Variants in SLC5A9 observed in about 807,000 individuals in gnomAD.
The protein encoded by SLC5A9 is solute carrier family 5 member 9, also known as sodium/glucose cotransporter 4.
SLC5A9 carries 59 observed loss-of-function variants against 70.9 expected under a neutral mutation model. That is an observed-to-expected ratio of 0.83 (90% CI 0.68 to 1.03). SLC5A9 has a LOEUF of 1.03. SLC5A9 is among the 50% of genes least tolerant of loss of function. SLC5A9 has a pLI of 0.00. For missense variants in SLC5A9, 832 were observed against 881.1 expected, an observed-to-expected ratio of 0.94 and a Z score of 0.71; for synonymous variants, 340 against 346.5, an observed-to-expected ratio of 0.98 and a Z score of 0.21.
intron 12 of SLC5A9, among the ~76,000 whole-genome samples, chr1:48,240,673 TC>T (rs1480855410): frequency 6.6e-6 from 1 of 152,202 alleles, no homozygotes; most frequent in Non-Finnish European, 1.5e-5. Flanking sequence ...ATTGCCTGTT[TC>T]CTCACTCTTC....
Position 48,232,471 on chromosome 1 carries a change from G to T in SLC5A9, c.1002G>T (p.Met334Ile), listed in dbSNP as rs756208342. 1 of 1,614,204 alleles carries T rather than the reference G, an allele frequency of 6.2e-7. No individual in the cohort carries two copies. Among genetic ancestry groups the T allele is most frequent in the Non-Finnish European group, 8.5e-7 (1 of 1,180,030 alleles). Residue 334 changes from methionine (M) to isoleucine (I), a missense_variant, in exon 8 of 14, where the codon ATG becomes ATT. Physicochemically the swap from Met to Ile is conservative, Grantham distance 10. Transcript: ENST00000438567. ...TCCTCCCCATGTTCTTCATCGTCATGCCTGGCATGATCAGCCGGGCCCTGT... is the reference window on the plus strand; with the variant it reads ...TCCTCCCCATGTTCTTCATCGTCATTCCTGGCATGATCAGCCGGGCCCTGT... ...LKILPMFFIV[M>I]PGMISRALFP... is the part of the protein sequence containing the mutation.
intron 2 of SLC5A9, chr1:48,227,894 A>G (rs1644187648): frequency 6.6e-6 from 1 of 152,122 alleles, no homozygotes; most frequent in Non-Finnish European, 1.5e-5. Context: ...TTGATAGAGG[A>G]AGTGATTTTA....
intron 9 of SLC5A9, 32 bp downstream of exon 9, chr1:48,233,794 T>G (rs1202038541): frequency 1.3e-6 from 2 of 1,490,580 alleles, no homozygotes; most frequent in Non-Finnish European, 1.9e-6. Flanking sequence ...CACCCTGCAC[T>G]CTCACCTCCA....
At position 48,247,419 on chromosome 1, in the gene SLC5A9, A is replaced by G. The variant is rs1274635576; in HGVS notation, c.1922A>G (p.Glu641Gly). The G allele has an allele frequency of 6.2e-7, 1 of 1,614,200 alleles. No homozygotes were observed. The highest frequency in any genetic ancestry group is 1.7e-5 in the Admixed American group (1 of 60,026). The change falls in exon 14 of 14, where the codon GAG (glutamate) becomes GGG (glycine). Residue 641 changes from glutamate to glycine, a missense_variant. Transcript: ENST00000438567. ...GTPEQALSPA[E>G]KAALEQKLTS... The stretch of plus-strand genomic sequence containing the variant: ...CCGGAGCAGGCCCTGAGCCCAGCAG[A>G]GAAGGCTGCGCTAGAACAGAAGCTG...
chr1:48,230,913 G>T (rs1322596190), intron 5 of SLC5A9, among the ~76,000 whole-genome samples: 2 of 152,194 alleles, frequency 1.3e-5, no homozygotes, highest in Admixed American at 6.5e-5. Flanking sequence ...CAGACACAGG[G>T]ACAGAGACCA....
rs143080299 is a variant in SLC5A9 at position 48,247,683 on chromosome 1, A to G, written c.*140A>G. ...CTGCAAGCTCCCCTGAAGAGAATCC[A>G]ACTCAACCTGCACACTTGACAAGTG... On this transcript the variant is annotated 3_prime_UTR_variant, in exon 14 of 14. Transcript: ENST00000438567. 2.0e-4 allele frequency: 154 copies of G among 777,442 alleles called. No homozygotes were observed. The African/African-American group carries it at 2.4e-3, about 12-fold the overall frequency. The allele number at this position is 777,442 out of a possible 1,614,324, so 48.2% of individuals were successfully genotyped here. A position where few individuals can be genotyped will look rare whatever the true frequency, so the allele number is the denominator to read the frequency against.
intron 13 of SLC5A9, among the ~76,000 whole-genome samples, chr1:48,244,872 GTA>G (rs1190631619): frequency 0.2 from 1,850 of 9,306 alleles, 392 homozygotes; most frequent in African/African-American, 0.37. Flanking sequence ...GTATGTATGT[GTA>G]TGTGTATATA....
Position 48,247,671 on chromosome 1 carries a change from T to A in SLC5A9, c.*128T>A. On this transcript the variant is annotated 3_prime_UTR_variant, in exon 14 of 14. Coordinates refer to ENST00000438567, the MANE Select transcript of SLC5A9 (RefSeq NM_001011547.3). Reference sequence around the variant, plus strand: ...CAGAAGTCAAGACTGCAAGCTCCCCTGAAGAGAATCCAACTCAACCTGCAC... The same window carrying A: ...CAGAAGTCAAGACTGCAAGCTCCCCAGAAGAGAATCCAACTCAACCTGCAC... The A allele has an allele frequency of 1.1e-6, 1 of 877,400 alleles. No individual in the cohort carries two copies. Among genetic ancestry groups the A allele is most frequent in the Non-Finnish European group, 1.8e-6 (1 of 551,626 alleles). The allele number at this position is 877,400 out of a possible 1,614,324, so 54.4% of individuals were successfully genotyped here.
At chr1:48,229,115 A>G (rs773173325) in intron 3 of SLC5A9, 161 bp downstream of exon 3, 56 of 1,613,984 alleles carry the variant, frequency 3.5e-5, no homozygotes, top group Non-Finnish European at 4.6e-5. Flanking sequence ...GAGGAAATCA[A>G]GGTCTGGAGG....
chr1:48,231,419 A>G (rs1644245348), intron 5 of SLC5A9, 126 bp from the exon 6 acceptor site: 3 of 1,164,060 alleles, frequency 2.6e-6, no homozygotes, highest in Non-Finnish European at 3.6e-6. Flanking sequence ...GGCAGTGGCC[A>G]GAGTTCCCCT....
At position 48,225,573 on chromosome 1, in the gene SLC5A9, G is replaced by C. The variant is rs1440020756; in HGVS notation, c.234+778G>C. ...ATCAGCCCCAGTGGTAGCTGAAGCA[G>C]TATACACACCCAGGCATGCAAAACT... On this transcript the variant is annotated intron_variant, in intron 2 of 13. Transcript: ENST00000438567. Among the ~76,000 whole-genome samples, 4 of 152,018 alleles carry C rather than the reference G, an allele frequency of 2.6e-5. No homozygotes were observed. The East Asian group carries it at 5.8e-4, about 22-fold the overall frequency.
rs1463851124 is a variant in SLC5A9, at chr1:48,235,891, C to T, written c.1292+12C>T. The T allele has an allele frequency of 2.5e-6, 4 of 1,614,036 alleles. No individual in the cohort carries two copies. Among genetic ancestry groups the T allele is most frequent in the Non-Finnish European group, 3.4e-6 (4 of 1,179,970 alleles). Reference sequence around the variant, plus strand: ...ATGGTGGTGGGCAGGTGCGCCGGCCCCTCCTTCCCTCCTTCCGAAGTGCCC... The same window carrying T: ...ATGGTGGTGGGCAGGTGCGCCGGCCTCTCCTTCCCTCCTTCCGAAGTGCCC... On this transcript the variant is annotated intron_variant, in intron 10 of 13. Transcript: ENST00000438567.
In SLC5A9 at chr1:48,232,632, A is replaced by G. The variant is rs1421114830; in HGVS notation, c.1033+130A>G. 5 of 1,208,206 alleles carry G rather than the reference A, an allele frequency of 4.1e-6. No individual in the cohort carries two copies. The Admixed American group carries it at 9.1e-5, about 22-fold the overall frequency. 74.8% of individuals were successfully genotyped at this position (1,208,206 alleles called of 1,614,324 possible). On this transcript the variant is annotated intron_variant, in intron 8 of 13. Coordinates refer to ENST00000438567, the MANE Select transcript of SLC5A9 (RefSeq NM_001011547.3). ...GGCAAGGTTTGTCTATTAAGAATAC[A>G]TAGCCGGTCATGGTGGCATGCACCC...
chr1:48,236,089 C>T (rs1644323271), intron 10 of SLC5A9, among the ~76,000 whole-genome samples: 1 of 152,136 alleles, frequency 6.6e-6, no homozygotes, highest in African/African-American at 2.4e-5. Context: ...ACACCTCTTC[C>T]CTGGTAACTT....
chr1:48,231,184 AG>A (rs1482351309), intron 5 of SLC5A9, among the ~76,000 whole-genome samples: 2 of 152,072 alleles, frequency 1.3e-5, no homozygotes, highest in African/African-American at 4.8e-5. Context: ...GTCCAGAGAC[AG>A]GGGGGCATTT....
Position 48,232,374 on chromosome 1 carries a change from TG to T in SLC5A9, c.906del (p.Gln303SerfsTer22), listed in dbSNP as rs1644261686. 1 of 1,614,140 alleles carries T rather than the reference TG, an allele frequency of 6.2e-7. No individual in the cohort carries two copies. Among genetic ancestry groups the T allele is most frequent in the African/African-American group, 1.3e-5 (1 of 75,056 alleles). On this transcript the variant is annotated frameshift_variant, in exon 8 of 14. Coordinates refer to ENST00000438567, the MANE Select transcript of SLC5A9 (RefSeq NM_001011547.3). LOFTEE classifies it high-confidence loss of function. ...TWCWCTDQVI[V>X]QRSLSAKSLS... ...CATTTGCTGCCCTTTCAGGTCATTGTGCAGCGGTCTCTCTCGGCCAAGAGTC... is the reference window on the plus strand; with the variant it reads ...CATTTGCTGCCCTTTCAGGTCATTGTCAGCGGTCTCTCTCGGCCAAGAGTC...
In SLC5A9 at chr1:48,248,051, TC is replaced by T. The variant is rs1644478793; in HGVS notation, c.*510del. 1 of 160,588 alleles carries T rather than the reference TC, an allele frequency of 6.2e-6. No homozygotes were observed. The highest frequency in any genetic ancestry group is 1.8e-4 in the East Asian group (1 of 5,696). 9.9% of individuals were successfully genotyped at this position (160,588 alleles called of 1,614,324 possible). On this transcript the variant is annotated 3_prime_UTR_variant, in exon 14 of 14. Transcript: ENST00000438567. ...TGTTGCATGAATTTACCCAGGAGAGTCCTATATTTCCATTGGTGGCTCCACA... is the reference window on the plus strand; with the variant it reads ...TGTTGCATGAATTTACCCAGGAGAGTCTATATTTCCATTGGTGGCTCCACA...
In SLC5A9 at chr1:48,231,927, AC is replaced by A; in HGVS notation, c.692-18del. 6.2e-7 allele frequency: 1 copy of A among 1,613,732 alleles called. No individual in the cohort carries two copies. Among genetic ancestry groups the A allele is most frequent in the Middle Eastern group, 1.7e-4 (1 of 6,060 alleles). Reference sequence around the variant, plus strand: ...CTCAGTGGGGTTTCAGGGCTGCTTCACTCACTGTCTCCTCACAGGCTTTCAG... The same window carrying A: ...CTCAGTGGGGTTTCAGGGCTGCTTCATCACTGTCTCCTCACAGGCTTTCAG... On this transcript the variant is annotated intron_variant, in intron 6 of 13. Transcript: ENST00000438567.
In SLC5A9 at chr1:48,247,403, G is replaced by A. The variant is rs1429711234; in HGVS notation, c.1906G>A (p.Ala636Thr). 6.2e-7 allele frequency: 1 copy of A among 1,614,014 alleles called. No homozygotes were observed. Among genetic ancestry groups the A allele is most frequent in the Non-Finnish European group, 8.5e-7 (1 of 1,180,038 alleles). The change falls in exon 14 of 14, where the codon GCC becomes ACC. Residue 636 changes from alanine to threonine, a missense_variant. Coordinates refer to ENST00000438567, the MANE Select transcript of SLC5A9 (RefSeq NM_001011547.3). Reference protein sequence around the residue: ...FCGLSGTPEQALSPAEKAALE... With the variant: ...FCGLSGTPEQTLSPAEKAALE... Reference sequence around the variant, plus strand: ...TGGGCTCTCTGGAACACCGGAGCAGGCCCTGAGCCCAGCAGAGAAGGCTGC... The same window carrying A: ...TGGGCTCTCTGGAACACCGGAGCAGACCCTGAGCCCAGCAGAGAAGGCTGC...
Sources: allele counts gnomAD v4.1 joint callset (sites outside exome capture counted in the v4.1 genomes callset), GRCh38; gene constraint gnomAD v4.1.1; transcripts MANE v1.5; gene names NCBI Gene and HGNC (gene_info 2026-07-23, HGNC 2026-07-21).